Variants in TOX2 observed in about 807,000 individuals in gnomAD.
TOX2 encodes the protein TOX high mobility group box family member 2.
A neutral mutation model predicts 47.4 loss-of-function variants in TOX2; 15 were observed. The observed-to-expected ratio is 0.32, with a 90% CI of 0.21 to 0.49. TOX2 has a LOEUF of 0.49. Ranked by LOEUF, TOX2 falls within the 20% of genes least tolerant of loss-of-function variation. TOX2 has a pLI of 0.99. For missense variants in TOX2, 622 were observed against 673.1 expected (o/e 0.92, Z 0.84); for synonymous variants, 290 against 296.6 (o/e 0.98, Z 0.23).
chr20:44,024,387 C>G (rs1175382237), intron 3 of TOX2, among the ~76,000 whole-genome samples: 1 of 122,184 alleles, frequency 8.2e-6, no homozygotes, highest in Non-Finnish European at 1.7e-5. Flanking sequence ...TCTTACTTTT[C>G]TTTCTCTTAA....
At chr20:44,031,867 C>T (rs1216800331) in intron 3 of TOX2, among the ~76,000 whole-genome samples, 1 of 152,218 alleles carries the variant, frequency 6.6e-6, no homozygotes, top group Non-Finnish European at 1.5e-5. Flanking sequence ...TGCTAGGTGT[C>T]GCGGTCTAGA....
At chr20:43,989,935 CTTG>C (rs2070339575) in intron 2 of TOX2, among the ~76,000 whole-genome samples, 1 of 152,158 alleles carries the variant, frequency 6.6e-6, no homozygotes, top group African/African-American at 2.4e-5. Context: ...CATCTGATGG[CTTG>C]ACTGAAGGGG....
intron 3 of TOX2, among the ~76,000 whole-genome samples, chr20:44,011,545 A>G (rs1239679619): frequency 6.6e-6 from 1 of 152,232 alleles, no homozygotes; most frequent in Non-Finnish European, 1.5e-5. Context: ...AATTACTGTC[A>G]TGCAGCTCTT....
At chr20:43,925,380 CTA>C (rs2069154050) in intron 1 of TOX2, among the ~76,000 whole-genome samples, 1 of 152,080 alleles carries the variant, frequency 6.6e-6, no homozygotes, top group South Asian at 2.1e-4. Context: ...AGTGCAGACT[CTA>C]TTGCGGTGTG....
chr20:43,922,014 G>A (rs908080101), intron 1 of TOX2, among the ~76,000 whole-genome samples: 1 of 152,144 alleles, frequency 6.6e-6, no homozygotes, highest in African/African-American at 2.4e-5. Context: ...GGTTTTGGAG[G>A]CAGAGAAATT....
intron 3 of TOX2, chr20:44,007,448 C>T (rs1185899717): frequency 6.6e-6 from 1 of 152,522 alleles, no homozygotes; most frequent in Non-Finnish European, 1.5e-5. Context: ...CGGTCGGAAA[C>T]AGAGCAGGTC....
In TOX2 at chr20:44,065,797, T is replaced by G; in HGVS notation, c.1046T>G (p.Met349Arg). The G allele has an allele frequency of 6.2e-7, 1 of 1,613,690 alleles. No individual in the cohort carries two copies. Among genetic ancestry groups the G allele is most frequent in the Non-Finnish European group, 8.5e-7 (1 of 1,179,642 alleles). ...CCACCCAAGCAGCCCATGTATGCCA[T>G]GCCAGGCCTGGCCTCCTTCCTGACG... ...MLPPKQPMYA[M>R]PGLASFLTPS... The change falls in exon 7 of 9, where the codon ATG becomes AGG. Residue 349 changes from methionine to arginine, a missense_variant. Met to Arg is a moderately conservative substitution (Grantham distance 91). Coordinates refer to ENST00000341197, the MANE Select transcript of TOX2 (RefSeq NM_001098797.2).
At chr20:44,028,011 C>T (rs1424047372) in intron 3 of TOX2, among the ~76,000 whole-genome samples, 1 of 152,126 alleles carries the variant, frequency 6.6e-6, no homozygotes, top group Non-Finnish European at 1.5e-5. Flanking sequence ...CGGCTCAGAG[C>T]AAAGCACCAG....
intron 1 of TOX2, among the ~76,000 whole-genome samples, chr20:43,933,919 G>A (rs1382285418): frequency 6.6e-6 from 1 of 152,098 alleles, no homozygotes; most frequent in Non-Finnish European, 1.5e-5. Flanking sequence ...TGAGGAGGGT[G>A]GACTGGGAGG....
chr20:44,038,678 G>T (rs1005054679), intron 3 of TOX2, among the ~76,000 whole-genome samples: 4 of 152,068 alleles, frequency 2.6e-5, no homozygotes, highest in African/African-American at 9.7e-5. Context: ...GGCTGAGTGT[G>T]AGGCTGTGTT....
At chr20:44,051,801 A>T (rs1198361228) in intron 4 of TOX2, among the ~76,000 whole-genome samples, 1 of 152,194 alleles carries the variant, frequency 6.6e-6, no homozygotes, top group East Asian at 1.9e-4. Flanking sequence ...CAGGTGGAGC[A>T]CCTGGTCAGG....
chr20:44,056,091 G>C (rs2071611028), intron 5 of TOX2, among the ~76,000 whole-genome samples: 1 of 152,166 alleles, frequency 6.6e-6, no homozygotes, highest in Non-Finnish European at 1.5e-5. Flanking sequence ...TCAGGAGCCT[G>C]CTTAGAACGT....
rs1029741797 is a variant in TOX2, at chr20:44,065,571, A to G, written c.961-141A>G. 1.3e-5 allele frequency: 12 copies of G among 958,778 alleles called. No individual in the cohort carries two copies. In the East Asian group the frequency reaches 2.3e-4, roughly 18 times the overall value. 59.4% of individuals were successfully genotyped at this position (958,778 alleles called of 1,614,324 possible). A position where few individuals can be genotyped will look rare whatever the true frequency, so the allele number is the denominator to read the frequency against. Reference sequence around the variant, plus strand: ...CCAAGGGGACTAAGGACCCTGTGCTATCTCTGGTTAGTCCAAGCTCTCTCC... The same window carrying G: ...CCAAGGGGACTAAGGACCCTGTGCTGTCTCTGGTTAGTCCAAGCTCTCTCC... On this transcript the variant is annotated intron_variant, in intron 6 of 8. Coordinates refer to ENST00000341197, the MANE Select transcript of TOX2 (RefSeq NM_001098797.2).
At chr20:44,067,614 G>T (rs1176417010) in intron 8 of TOX2, among the ~76,000 whole-genome samples, 1 of 151,972 alleles carries the variant, frequency 6.6e-6, no homozygotes, top group Non-Finnish European at 1.5e-5. Flanking sequence ...CCTCCTGTGG[G>T]CCTCCTGTCT....
intron 1 of TOX2, among the ~76,000 whole-genome samples, chr20:43,946,951 G>A (rs1260741285): frequency 6.6e-6 from 1 of 152,214 alleles, no homozygotes; most frequent in East Asian, 1.9e-4. Context: ...AGCAAAAGAA[G>A]GCTCCCGCTC....
chr20:43,936,446 G>A (rs1348060721), intron 1 of TOX2, among the ~76,000 whole-genome samples: 1 of 152,240 alleles, frequency 6.6e-6, no homozygotes, highest in Admixed American at 6.5e-5. Flanking sequence ...ATGATTCCAT[G>A]GGTTGGCTGC....
intron 1 of TOX2, among the ~76,000 whole-genome samples, chr20:43,925,625 T>C (rs1473673895): frequency 1.3e-5 from 2 of 152,224 alleles, no homozygotes; most frequent in African/African-American, 2.4e-5. Flanking sequence ...CAGCGCAGGC[T>C]TCCTCTCTCT....
In TOX2 at chr20:44,008,573, T is replaced by A. The variant is rs560160728; in HGVS notation, c.411+1781T>A. Among the ~76,000 whole-genome samples the A allele has an allele frequency of 4.1e-5, 6 of 145,170 alleles. No individual in the cohort carries two copies. In the East Asian group the frequency reaches 1.0e-3, roughly 25 times the overall value. ...AGACCCTGTCTCAAAAAAAAAAAAA[T>A]AATAATGGCTGATCTGAACCATCAA... On this transcript the variant is annotated intron_variant, in intron 3 of 8. Coordinates refer to ENST00000341197, the MANE Select transcript of TOX2 (RefSeq NM_001098797.2).
chr20:44,068,827 G>C lies in TOX2; in HGVS notation c.*141G>C. Reference sequence around the variant, plus strand: ...GACACACCCATTGCCCGGGGGCTGAGTCTCTTCCTCAACCTCCCACCAGAC... The same window carrying C: ...GACACACCCATTGCCCGGGGGCTGACTCTCTTCCTCAACCTCCCACCAGAC... On this transcript the variant is annotated 3_prime_UTR_variant, in exon 9 of 9. Transcript: ENST00000341197. The C allele has an allele frequency of 8.6e-7, 1 of 1,164,912 alleles. No individual in the cohort carries two copies. The highest frequency in any genetic ancestry group is 1.3e-6 in the Non-Finnish European group (1 of 794,756). The allele number at this position is 1,164,912 out of a possible 1,614,324, so 72.2% of individuals were successfully genotyped here.
Sources: allele counts gnomAD v4.1 joint callset (sites outside exome capture counted in the v4.1 genomes callset), GRCh38; gene constraint gnomAD v4.1.1; transcripts MANE v1.5; gene names NCBI Gene and HGNC (gene_info 2026-07-23, HGNC 2026-07-21).